Variants in SUSD1 observed in about 807,000 individuals in gnomAD.
SUSD1 encodes the protein sushi domain containing 1, also known as sushi domain-containing protein 1.
A neutral mutation model predicts 86.9 loss-of-function variants in SUSD1; 65 were observed. That is an observed-to-expected ratio of 0.75 (90% CI 0.61 to 0.92). The LOEUF (loss-of-function observed/expected upper bound fraction) is 0.92, where lower values mean the gene tolerates loss of function less well. Ranked by LOEUF, SUSD1 falls within the 40% of genes least tolerant of loss-of-function variation. The probability of loss-of-function intolerance (pLI) is 0.00; values close to 1 mark genes in which losing one functional copy is unlikely to be tolerated. For missense variants in SUSD1, 850 were observed against 929.7 expected, an observed-to-expected ratio of 0.91 and a Z score of 1.11; for synonymous variants, 346 against 350.0, an observed-to-expected ratio of 0.99 and a Z score of 0.13.
intron 10 of SUSD1, among the ~76,000 whole-genome samples, chr9:112,088,405 TG>T (rs1402180779): frequency 6.6e-6 from 1 of 152,174 alleles, no homozygotes; most frequent in African/African-American, 2.4e-5. Flanking sequence ...GGAAAAGGGA[TG>T]CAGAAAAAGG....
At chr9:112,052,566 G>A in intron 14 of SUSD1, 128 bp from the exon 15 acceptor site, 1 of 1,018,356 alleles carries the variant, frequency 9.8e-7, no homozygotes, top group South Asian at 1.4e-5. Context: ...GACCTTTAAA[G>A]TCCAATCTAG....
intron 12 of SUSD1, among the ~76,000 whole-genome samples, chr9:112,067,043 A>C (rs191352160): frequency 9.5e-4 from 145 of 152,048 alleles, no homozygotes; most frequent in East Asian, 9.1e-3. Flanking sequence ...TGCACAGCTA[A>C]TTTTTGTATT....
At chr9:112,111,941 G>T in intron 7 of SUSD1, 101 bp from the exon 8 acceptor site, 1 of 1,227,872 alleles carries the variant, frequency 8.1e-7, no homozygotes, top group South Asian at 1.5e-5. Context: ...ATTTTATACT[G>T]TGCTGCTCAG....
intron 6 of SUSD1, among the ~76,000 whole-genome samples, chr9:112,116,566 T>A (rs1421171745): frequency 6.6e-6 from 1 of 152,234 alleles, no homozygotes; most frequent in Non-Finnish European, 1.5e-5. Flanking sequence ...ATGCCAAGCA[T>A]CCTGCCATGC....
rs537208259 is a variant in SUSD1, at chr9:112,167,182, G to A, written c.103+7951C>T. 3.3e-5 allele frequency among the ~76,000 whole-genome samples: 5 copies of A among 151,588 alleles called. No individual in the cohort carries two copies. The East Asian group carries it at 7.8e-4, about 24-fold the overall frequency. On this transcript the variant is annotated intron_variant, in intron 1 of 16. Transcript: ENST00000374270. Reference sequence around the variant, plus strand: ...CACAATCATGGTTCACTGCAGCCTCGACCTCCCAGGCTCAGGCGAGTCTCC... The same window carrying A: ...CACAATCATGGTTCACTGCAGCCTCAACCTCCCAGGCTCAGGCGAGTCTCC...
At chr9:112,170,300 A>T (rs1833983118) in intron 1 of SUSD1, among the ~76,000 whole-genome samples, 1 of 152,142 alleles carries the variant, frequency 6.6e-6, no homozygotes, top group African/African-American at 2.4e-5. Context: ...CTGAAGACAG[A>T]GGGAAGATCA....
intron 10 of SUSD1, 68 bp downstream of exon 10, chr9:112,098,378 TCCCAAACTAGCACTCTTATGCCCG>T: frequency 7.5e-7 from 1 of 1,325,934 alleles, no homozygotes; most frequent in Non-Finnish European, 1.0e-6. Context: ...GTCTCTTGAC[TCCCAAACTAGCACTCTTATGCCCG>T]CCCACACTGC....
Position 112,172,197 on chromosome 9 carries a change from A to C in SUSD1, c.103+2936T>G, listed in dbSNP as rs1445337164. ...CTGGGCGACAGAGTGAGACTGTCTCAAAAAAAAAAAAAAAGAGTATCTACT... is the reference window on the plus strand; with the variant it reads ...CTGGGCGACAGAGTGAGACTGTCTCCAAAAAAAAAAAAAAGAGTATCTACT... On this transcript the variant is annotated intron_variant, in intron 1 of 16. Transcript: ENST00000374270. Among the ~76,000 whole-genome samples the C allele has an allele frequency of 5.7e-4, 3 of 5,262 alleles. No individual in the cohort carries two copies. The African/African-American group carries it at 8.4e-3, about 15-fold the overall frequency. 3.5% of individuals were successfully genotyped at this position (5,262 alleles called of 152,430 possible).
intron 14 of SUSD1, among the ~76,000 whole-genome samples, chr9:112,057,360 A>G (rs1434379146): frequency 6.6e-6 from 1 of 152,230 alleles, no homozygotes; most frequent in East Asian, 1.9e-4. Flanking sequence ...TTAATCTAGG[A>G]CAGTAGATCT....
intron 10 of SUSD1, among the ~76,000 whole-genome samples, chr9:112,088,926 G>C (rs1007881439): frequency 6.6e-6 from 1 of 152,202 alleles, no homozygotes; most frequent in African/African-American, 2.4e-5. Flanking sequence ...GGGCAACAAA[G>C]AGAGACCTTG....
chr9:112,100,890 A>ACACACACACACACAC (rs59699795), intron 9 of SUSD1, among the ~76,000 whole-genome samples: 5 of 151,310 alleles, frequency 3.3e-5, no homozygotes, highest in South Asian at 2.1e-4. Context: ...ACACACACAC[A>ACACACACACACACAC]AATAAAATCT....
chr9:112,134,499 C>G (rs1303504776), intron 5 of SUSD1, among the ~76,000 whole-genome samples: 1 of 152,152 alleles, frequency 6.6e-6, no homozygotes, highest in Non-Finnish European at 1.5e-5. Flanking sequence ...CATATTAACA[C>G]ATGAACGGAT....
At chr9:112,153,143 T>C (rs1245441213) in intron 2 of SUSD1, among the ~76,000 whole-genome samples, 1 of 151,880 alleles carries the variant, frequency 6.6e-6, no homozygotes, top group Non-Finnish European at 1.5e-5. Flanking sequence ...GGTTTGCCTC[T>C]GTAGTCTCAG....
At chr9:112,120,446 A>G (rs1166962833) in intron 6 of SUSD1, among the ~76,000 whole-genome samples, 2 of 152,190 alleles carry the variant, frequency 1.3e-5, no homozygotes, top group Middle Eastern at 3.2e-3. Context: ...ACATTACCAG[A>G]AGCCTCTCCT....
At chr9:112,170,082 A>AT (rs1026662867) in intron 1 of SUSD1, among the ~76,000 whole-genome samples, 13 of 152,172 alleles carry the variant, frequency 8.5e-5, no homozygotes, top group African/African-American at 3.1e-4. Flanking sequence ...CTAGCATCCC[A>AT]TTTTAGGATT....
chr9:112,089,101 T>C (rs1034177542), intron 10 of SUSD1, among the ~76,000 whole-genome samples: 2 of 152,076 alleles, frequency 1.3e-5, no homozygotes, highest in African/African-American at 2.4e-5. Flanking sequence ...GGTGAGATCC[T>C]GTCTTAAAAA....
chr9:112,078,413 C>T, intron 12 of SUSD1, 125 bp downstream of exon 12: 1 of 925,132 alleles, frequency 1.1e-6, no homozygotes, highest in African/African-American at 1.7e-5. Context: ...ATTCCATGTC[C>T]TTCCTCCTCT....
At chr9:112,105,787 G>A (rs763841705) in intron 8 of SUSD1, among the ~76,000 whole-genome samples, 4 of 152,148 alleles carry the variant, frequency 2.6e-5, no homozygotes, top group Admixed American at 6.5e-5. Context: ...ATTTCTATCC[G>A]TCCACTACCC....
chr9:112,094,516 GC>G (rs1209999361), intron 10 of SUSD1, among the ~76,000 whole-genome samples: 1 of 152,132 alleles, frequency 6.6e-6, no homozygotes, highest in Non-Finnish European at 1.5e-5. Flanking sequence ...AAACTCAAAT[GC>G]TAAAAAGAAA....
Sources: gnomAD v4.1 joint callset for allele counts (sites outside exome capture counted in the v4.1 genomes callset) on GRCh38, gnomAD v4.1.1 for gene constraint, MANE v1.5 for transcripts, NCBI Gene and HGNC (gene_info 2026-07-23, HGNC 2026-07-21) for gene names.